The following TOM1 variants were observed in gnomAD, a reference collection of about 807,000 sequenced individuals.
The protein encoded by TOM1 is target of myb1 membrane trafficking protein.
A neutral mutation model predicts 61.3 loss-of-function variants in TOM1; 38 were observed. The observed-to-expected ratio is 0.62, with a 90% confidence interval of 0.48 to 0.81. The LOEUF (loss-of-function observed/expected upper bound fraction) is 0.81, where lower values mean the gene tolerates loss of function less well. Among genes scored for constraint, TOM1 ranks in the 40% least tolerant of loss-of-function variants. The pLI is 0.00. For missense variants in TOM1, 591 were observed against 659.6 expected (o/e 0.90, Z 1.14); for synonymous variants, 270 against 268.8 (o/e 1.00, Z -0.04).
At chr22:35,327,136 G>T in intron 6 of TOM1, 135 bp from the exon 7 acceptor site, 1 of 784,466 alleles carries the variant, frequency 1.3e-6, no homozygotes, top group Non-Finnish European at 2.2e-6. Context: ...CAGGAGGGAG[G>T]CTGCCTAGAG....
At chr22:35,333,228 G>GAA (rs1164257695) in intron 9 of TOM1, 176 bp from the exon 10 acceptor site, 2 of 779,532 alleles carry the variant, frequency 2.6e-6, no homozygotes, top group Non-Finnish European at 4.2e-6. Context: ...AACCTCCCAG[G>GAA]GAGTCCAGTT....
At chr22:35,346,791 T>G (rs1201816589) in intron 13 of TOM1, 139 bp from the exon 14 acceptor site, 13 of 766,668 alleles carry the variant, frequency 1.7e-5, no homozygotes, top group Non-Finnish European at 2.3e-5. Context: ...TCCTGGGACC[T>G]GGGTGGTGGG....
intron 6 of TOM1, among the ~76,000 whole-genome samples, chr22:35,326,024 C>T (rs1337496986): frequency 6.6e-6 from 1 of 152,114 alleles, no homozygotes; most frequent in Non-Finnish European, 1.5e-5. Flanking sequence ...GTCAGTGAAC[C>T]ATAGTGGATA....
chr22:35,332,947 T>C, intron 8 of TOM1, 34 bp from the exon 9 acceptor site: 1 of 1,613,464 alleles, frequency 6.2e-7, no homozygotes, highest in Non-Finnish European at 8.5e-7. Flanking sequence ...TGTCTCAGTC[T>C]GTCTCCATAA....
chr22:35,303,741 A>G (rs1322076211), intron 1 of TOM1, among the ~76,000 whole-genome samples: 1 of 152,092 alleles, frequency 6.6e-6, no homozygotes, highest in East Asian at 1.9e-4. Flanking sequence ...CAAGTGATCC[A>G]GCCACCTTAG....
chr22:35,314,055 G>A (rs1927071279), intron 1 of TOM1, among the ~76,000 whole-genome samples: 1 of 152,186 alleles, frequency 6.6e-6, no homozygotes, highest in Non-Finnish European at 1.5e-5. Flanking sequence ...AGCAAATATT[G>A]CCAGGTTCCT....
chr22:35,338,729 C>T lies in TOM1; in HGVS notation c.1165C>T (p.Pro389Ser). Residue 389 changes from proline to serine, a missense_variant, in exon 12 of 15, where the codon CCC becomes TCC. Transcript: ENST00000449058. ...DQRKEVKYEA[P>S]QATDGLAGAL... The stretch of plus-strand genomic sequence containing the variant: ...CTCTTTCAGGGTAAAATACGAAGCC[C>T]CCCAAGCAACAGACGGCCTGGCTGG... 6.3e-7 allele frequency: 1 copy of T among 1,594,974 alleles called. No individual in the cohort carries two copies. Among genetic ancestry groups the T allele is most frequent in the Admixed American group, 1.8e-5 (1 of 57,018 alleles).
Position 35,301,048 on chromosome 22 carries a change from C to CAAAAA in TOM1, c.52+1085_52+1089dup, listed in dbSNP as rs139553640. Reference sequence around the variant, plus strand: ...GCAACATGGCGAGACCCCGTCTCTACAAAAAAAAAAAAAAAAAAAAATACA... The same window carrying CAAAAA: ...GCAACATGGCGAGACCCCGTCTCTACAAAAAAAAAAAAAAAAAAAAAAAAAATACA... On this transcript the variant is annotated intron_variant, in intron 1 of 14. Transcript: ENST00000449058. 9.9e-5 allele frequency among the ~76,000 whole-genome samples: 11 copies of CAAAAA among 111,242 alleles called. 1 individual carries two copies. The highest frequency in any genetic ancestry group is 4.2e-4 in the African/African-American group (10 of 23,952). The allele number at this position is 111,242 out of a possible 152,430, so 73.0% of individuals were successfully genotyped here.
At chr22:35,304,268 C>T (rs1926114482) in intron 1 of TOM1, among the ~76,000 whole-genome samples, 1 of 152,150 alleles carries the variant, frequency 6.6e-6, no homozygotes, top group South Asian at 2.1e-4. Flanking sequence ...TCTTATTCTA[C>T]CCTCAGATAA....
In TOM1 at chr22:35,335,964, G is replaced by T. The variant is rs116718567; in HGVS notation, c.1148+1516G>T. The stretch of plus-strand genomic sequence containing the variant: ...TGCCCTGGCTCCCGCACAGCAGCTG[G>T]GAAAGATGCTCTTCACACAGGGAAG... On this transcript the variant is annotated intron_variant, in intron 11 of 14. Transcript: ENST00000449058. Among the ~76,000 whole-genome samples the T allele has an allele frequency of 4.6e-3, 700 of 152,264 alleles. 6 individuals are homozygous for T. The highest frequency in any genetic ancestry group is 0.016 in the African/African-American group (683 of 41,538).
At chr22:35,339,418 G>A (rs1471259851) in intron 12 of TOM1, among the ~76,000 whole-genome samples, 1 of 152,164 alleles carries the variant, frequency 6.6e-6, no homozygotes, top group African/African-American at 2.4e-5. Flanking sequence ...TTAAGCAAAT[G>A]ACTGGCCTTT....
rs187024307 is a variant in TOM1 at position 35,313,908 on chromosome 22, G to A, written c.53-3969G>A. On this transcript the variant is annotated intron_variant, in intron 1 of 14. Coordinates refer to ENST00000449058, the MANE Select transcript of TOM1 (RefSeq NM_005488.3). The stretch of plus-strand genomic sequence containing the variant: ...GACAAGAGCACAGCTGCTACCCGGA[G>A]GCCCTTGAAGGTTACAGCTCCGAGG... 9.2e-4 allele frequency among the ~76,000 whole-genome samples: 140 copies of A among 152,348 alleles called. 1 individual carries two copies. Among genetic ancestry groups the A allele is most frequent in the African/African-American group, 3.2e-3 (134 of 41,592 alleles).
In TOM1 at chr22:35,324,319, G is replaced by A. The variant is rs536831253; in HGVS notation, c.648+405G>A. Among the ~76,000 whole-genome samples, 44 of 149,654 alleles carry A rather than the reference G, an allele frequency of 2.9e-4. No individual in the cohort carries two copies. The South Asian group carries it at 6.1e-3, about 21-fold the overall frequency. Reference sequence around the variant, plus strand: ...ATTTGAGCTGGGCATGGTCACGTGCGTCTGTGATCTTAGCTTCTCAAAGGT... The same window carrying A: ...ATTTGAGCTGGGCATGGTCACGTGCATCTGTGATCTTAGCTTCTCAAAGGT... On this transcript the variant is annotated intron_variant, in intron 6 of 14. Transcript: ENST00000449058.
chr22:35,315,917 C>T (rs562561006), intron 1 of TOM1, among the ~76,000 whole-genome samples: 16 of 152,318 alleles, frequency 1.1e-4, no homozygotes, highest in African/African-American at 3.1e-4. Context: ...TGCCTGGAAC[C>T]GGCTTGGCTT....
chr22:35,320,643 C>T (rs1487337924), intron 2 of TOM1, among the ~76,000 whole-genome samples: 2 of 152,078 alleles, frequency 1.3e-5, no homozygotes, highest in Non-Finnish European at 2.9e-5. Context: ...AAGACCACCC[C>T]CTCGGAGGTC....
At chr22:35,343,473 C>A (rs1373634452) in intron 12 of TOM1, among the ~76,000 whole-genome samples, 2 of 143,340 alleles carry the variant, frequency 1.4e-5, no homozygotes, top group East Asian at 2.3e-4. Flanking sequence ...CATTCATACA[C>A]CTACACACAC....
At chr22:35,313,777 AG>A (rs1401785129) in intron 1 of TOM1, among the ~76,000 whole-genome samples, 1 of 152,218 alleles carries the variant, frequency 6.6e-6, no homozygotes, top group Non-Finnish European at 1.5e-5. Context: ...AAGGACGCAC[AG>A]GTGCCCAGTG....
At chr22:35,344,974 G>A (rs1205896475) in intron 12 of TOM1, 1 of 152,806 alleles carries the variant, frequency 6.5e-6, no homozygotes, top group Non-Finnish European at 1.5e-5. Flanking sequence ...GGTGAGCTAG[G>A]TCCAGCTCTT....
chr22:35,321,063 A>G (rs1196082081), intron 2 of TOM1, among the ~76,000 whole-genome samples: 1 of 149,776 alleles, frequency 6.7e-6, no homozygotes, highest in Non-Finnish European at 1.5e-5. Flanking sequence ...TCAGAACACT[A>G]TGCTAGCTGG....
Sources: allele counts gnomAD v4.1 joint callset (sites outside exome capture counted in the v4.1 genomes callset), GRCh38; gene constraint gnomAD v4.1.1; transcripts MANE v1.5; gene names NCBI Gene and HGNC (gene_info 2026-07-23, HGNC 2026-07-21).